CRY2: variants seen among roughly 807,000 people sequenced by gnomAD.
CRY2 encodes cryptochrome-2.
Under a neutral mutation model 69.5 loss-of-function variants are expected in CRY2, and 31 were observed. The observed-to-expected ratio is 0.45, with a 90% CI of 0.34 to 0.60. CRY2 has a LOEUF of 0.60. Among genes scored for constraint, CRY2 ranks in the 20% least tolerant of loss-of-function variants. The probability of loss-of-function intolerance (pLI) is 0.02; values close to 1 mark genes in which losing one functional copy is unlikely to be tolerated. For synonymous variants in CRY2, 303 were observed against 312.2 expected (o/e 0.97, Z 0.31); for missense variants, 606 against 797.8 (o/e 0.76, Z 2.90).
At chr11:45,864,462 A>G (rs1004381239) in intron 5 of CRY2, among the ~76,000 whole-genome samples, 2 of 152,082 alleles carry the variant, frequency 1.3e-5, no homozygotes, top group African/African-American at 4.8e-5. Context: ...ATCTCTAAAT[A>G]AAAACAAATT....
At chr11:45,867,858 G>T in intron 6 of CRY2, 106 bp downstream of exon 6, 1 of 1,487,462 alleles carries the variant, frequency 6.7e-7, no homozygotes, top group South Asian at 1.2e-5. Context: ...GTTGGGCTAT[G>T]GCCCCTGGAA....
intron 3 of CRY2, 96 bp from the exon 4 acceptor site, chr11:45,860,752 C>A: frequency 7.0e-7 from 1 of 1,420,136 alleles, no homozygotes; most frequent in Non-Finnish European, 9.7e-7. Flanking sequence ...GAAAGCCACC[C>A]TCAAAGCCTT....
chr11:45,867,122 G>T (rs1009180782), intron 5 of CRY2, among the ~76,000 whole-genome samples: 4 of 152,202 alleles, frequency 2.6e-5, no homozygotes, highest in African/African-American at 9.7e-5. Flanking sequence ...CCCAGGAATG[G>T]ATTGGAAGTT....
At chr11:45,854,542 T>G (rs1055028223) in intron 1 of CRY2, among the ~76,000 whole-genome samples, 1 of 151,992 alleles carries the variant, frequency 6.6e-6, no homozygotes, top group Non-Finnish European at 1.5e-5. Context: ...TTTAAAAAAT[T>G]AATTGGGTGT....
rs574159385 is a variant in CRY2 at position 45,869,892 on chromosome 11, T to A, written c.1194+75T>A. On this transcript the variant is annotated intron_variant, in intron 7 of 11. Transcript: ENST00000616080. ...GTCAAAGGGCAGCCCCCTTCTGGGC[T>A]GAGGGATGAGGTGGGATTTCTGGGT... is the stretch of plus-strand genomic sequence containing the variant. 83 of 1,526,814 alleles carry A rather than the reference T, an allele frequency of 5.4e-5. No homozygotes were observed. In the African/African-American group the frequency reaches 9.9e-4, roughly 18 times the overall value. 94.6% of individuals were successfully genotyped at this position (1,526,814 alleles called of 1,614,324 possible).
rs368980968 is a variant in CRY2, at chr11:45,869,518, A to G, written c.895A>G (p.Ser299Gly). Residue 299 changes from serine (S) to glycine (G), a missense_variant, in exon 7 of 12, where the codon AGC becomes GGC. Around this residue, in one of 5 missense-constraint regions of CRY2, gnomAD observed 382 missense variants for 508.9 expected, o/e 0.75. Transcript: ENST00000616080. ...CCCTACCTCTCAGGTGAAGCGGAAC[A>G]GCACACCTCCCCTCTCCCTATTTGG... The part of the protein sequence containing the change: ...WDLYKKVKRN[S>G]TPPLSLFGQL... 6.2e-6 allele frequency: 10 copies of G among 1,610,434 alleles called. No homozygotes were observed. In the African/African-American group the frequency reaches 1.3e-4, roughly 22 times the overall value.
chr11:45,875,413 G>A (rs1309857403), intron 11 of CRY2, among the ~76,000 whole-genome samples: 1 of 152,192 alleles, frequency 6.6e-6, no homozygotes, highest in Non-Finnish European at 1.5e-5. Context: ...CATTTTGGGA[G>A]GATGAATTAG....
At position 45,860,893 on chromosome 11, in the gene CRY2, C is replaced by CT; in HGVS notation, c.516dup (p.Gln173SerfsTer50). Reference sequence around the variant, plus strand: ...AGAAGCCACCCCTTACATACAAGCGCTTTCAGGCCATCATCAGCCGCATGG... The same window carrying CT: ...AGAAGCCACCCCTTACATACAAGCGCTTTTCAGGCCATCATCAGCCGCATGG... On this transcript the variant is annotated frameshift_variant, in exon 4 of 12. Coordinates refer to ENST00000616080, the MANE Select transcript of CRY2 (RefSeq NM_021117.5). LOFTEE classifies it high-confidence loss of function. The CT allele has an allele frequency of 1.2e-6, 2 of 1,614,200 alleles. No homozygotes were observed. Among genetic ancestry groups the CT allele is most frequent in the Non-Finnish European group, 1.7e-6 (2 of 1,180,040 alleles).
intron 6 of CRY2, 88 bp downstream of exon 6, chr11:45,867,840 G>A: frequency 1.3e-6 from 2 of 1,575,668 alleles, no homozygotes; most frequent in East Asian, 2.2e-5. Context: ...AGGCACTGGT[G>A]GGTGGGGGTT....
Position 45,882,703 on chromosome 11 carries a change from A to G in CRY2, c.*1792A>G. On this transcript the variant is annotated 3_prime_UTR_variant, in exon 12 of 12. Transcript: ENST00000616080. ...CCCTGTTCCCTCAGCCCCAGTCGAGAGGAAAGAGAATCGGGCCACTGCCAG... is the reference window on the plus strand; with the variant it reads ...CCCTGTTCCCTCAGCCCCAGTCGAGGGGAAAGAGAATCGGGCCACTGCCAG... The G allele has an allele frequency of 2.5e-6, 1 of 398,930 alleles. No homozygotes were observed. The highest frequency in any genetic ancestry group is 4.4e-5 in the Admixed American group (1 of 22,732). The allele number at this position is 398,930 out of a possible 1,614,324, so 24.7% of individuals were successfully genotyped here.
In CRY2 at chr11:45,882,216, C is replaced by T. The variant is rs750880382; in HGVS notation, c.*1305C>T. 2.4e-5 allele frequency: 4 copies of T among 166,158 alleles called. No individual in the cohort carries two copies. Among genetic ancestry groups the T allele is most frequent in the Non-Finnish European group, 3.9e-5 (3 of 77,374 alleles). The allele number at this position is 166,158 out of a possible 1,614,324, so 10.3% of individuals were successfully genotyped here. A position where few individuals can be genotyped will look rare whatever the true frequency, so the allele number is the denominator to read the frequency against. On this transcript the variant is annotated 3_prime_UTR_variant, in exon 12 of 12. Coordinates refer to ENST00000616080, the MANE Select transcript of CRY2 (RefSeq NM_021117.5). ...CATGCAAAAGGACGACGGTGGCCAA[C>T]TAAAGCAAGTCTTCCTTCCACCCTG...
In CRY2 at chr11:45,883,038, C is replaced by T. The variant is rs2086488944; in HGVS notation, c.*2127C>T. The T allele has an allele frequency of 3.7e-6, 1 of 267,374 alleles. No homozygotes were observed. Among genetic ancestry groups the T allele is most frequent in the South Asian group, 1.7e-4 (1 of 5,826 alleles). 16.6% of individuals were successfully genotyped at this position (267,374 alleles called of 1,614,324 possible). ...CCAGTAGCCTGGAGCTCCATGGTGG[C>T]TTCATGCCTCCCTTCTCCCAGCTCA... On this transcript the variant is annotated 3_prime_UTR_variant, in exon 12 of 12. Transcript: ENST00000616080.
chr11:45,868,776 G>T (rs750932431), intron 6 of CRY2, among the ~76,000 whole-genome samples: 13 of 151,648 alleles, frequency 8.6e-5, no homozygotes, highest in Non-Finnish European at 1.6e-4. Flanking sequence ...TGGGACTATA[G>T]GTGCATGCCA....
chr11:45,851,654 A>T (rs1457640259), intron 1 of CRY2, among the ~76,000 whole-genome samples: 1 of 152,198 alleles, frequency 6.6e-6, no homozygotes, highest in African/African-American at 2.4e-5. Context: ...TTTTAAAATA[A>T]TAAGAATTTA....
intron 4 of CRY2, chr11:45,861,339 G>T (rs1466362679): frequency 7.3e-6 from 2 of 272,724 alleles, no homozygotes; most frequent in Non-Finnish European, 1.4e-5. Flanking sequence ...GTGTCCATGG[G>T]CTTCTCAGTA....
At position 45,869,513 on chromosome 11, in the gene CRY2, G is replaced by C; in HGVS notation, c.890G>C (p.Arg297Pro). ...GCCACCCCTACCTCTCAGGTGAAGCGGAACAGCACACCTCCCCTCTCCCTA... is the reference window on the plus strand; with the variant it reads ...GCCACCCCTACCTCTCAGGTGAAGCCGAACAGCACACCTCCCCTCTCCCTA... ...RLWDLYKKVKRNSTPPLSLFG... is the reference protein window; with the variant it reads ...RLWDLYKKVKPNSTPPLSLFG... The change falls in exon 7 of 12, where the codon CGG becomes CCG. Residue 297 changes from arginine to proline, a missense_variant. This residue lies in a region of CRY2 where 382 missense variants were observed against 508.9 expected (regional missense o/e 0.75). Coordinates refer to ENST00000616080, the MANE Select transcript of CRY2 (RefSeq NM_021117.5). The C allele has an allele frequency of 6.2e-7, 1 of 1,606,346 alleles. No homozygotes were observed. The highest frequency in any genetic ancestry group is 8.5e-7 in the Non-Finnish European group (1 of 1,174,626).
chr11:45,869,992 A>G lies in CRY2; in HGVS notation c.1195-61A>G. 3 of 1,540,442 alleles carry G rather than the reference A, an allele frequency of 1.9e-6. No homozygotes were observed. The South Asian group carries it at 3.7e-5, about 19-fold the overall frequency. ...TTTGGCTCCTGGGGGCACTGTGGTG[A>G]CTTGGGAAAAAACATGGCTGCATGT... On this transcript the variant is annotated intron_variant, in intron 7 of 11. Coordinates refer to ENST00000616080, the MANE Select transcript of CRY2 (RefSeq NM_021117.5).
chr11:45,855,589 C>A (rs2134630924), intron 1 of CRY2, among the ~76,000 whole-genome samples: 1 of 152,298 alleles, frequency 6.6e-6, no homozygotes, highest in Middle Eastern at 3.4e-3. Context: ...CACAGAAACA[C>A]CACACTAGGA....
At chr11:45,861,943 C>T in intron 4 of CRY2, 117 bp from the exon 5 acceptor site, 1 of 836,020 alleles carries the variant, frequency 1.2e-6, no homozygotes, top group Non-Finnish European at 1.9e-6. Context: ...ATCTAACCCC[C>T]AGTAGCACCG....
Sources: allele counts gnomAD v4.1 joint callset (sites outside exome capture counted in the v4.1 genomes callset), GRCh38; gene constraint gnomAD v4.1.1; regional missense constraint gnomAD v4.1.1; transcripts MANE v1.5; gene names NCBI Gene and HGNC (gene_info 2026-07-23, HGNC 2026-07-21).